KIF13A: variants seen among roughly 807,000 people sequenced by gnomAD.
The protein encoded by KIF13A is kinesin family member 13A, also known as kinesin-like protein KIF13A.
A neutral mutation model predicts 212.2 loss-of-function variants in KIF13A; 79 were observed. The observed-to-expected ratio is 0.37, with a 90% CI of 0.31 to 0.45. The LOEUF is 0.45. Among genes scored for constraint, KIF13A ranks in the 20% least tolerant of loss-of-function variants. The probability of loss-of-function intolerance (pLI) is 1.00; values close to 1 mark genes in which losing one functional copy is unlikely to be tolerated. For missense variants in KIF13A, 1,901 were observed against 2,209.0 expected (o/e 0.86, Z 2.79); for synonymous variants, 789 against 808.6 (o/e 0.98, Z 0.41).
intron 2 of KIF13A, among the ~76,000 whole-genome samples, chr6:17,974,382 CCTCGTTT>C (rs1297925785): frequency 6.6e-6 from 1 of 152,040 alleles, no homozygotes; most frequent in Non-Finnish European, 1.5e-5. Flanking sequence ...CCGGCGGGAA[CCTCGTTT>C]ACTATACTAG....
At chr6:17,844,422 A>G (rs961800680) in intron 9 of KIF13A, among the ~76,000 whole-genome samples, 8 of 152,228 alleles carry the variant, frequency 5.3e-5, no homozygotes, top group African/African-American at 4.8e-5. Flanking sequence ...GGATCTTAAC[A>G]TATGTTGAAC....
In KIF13A at chr6:17,781,462, A is replaced by T. The variant is rs565522799; in HGVS notation, c.3545-161T>A. Among the ~76,000 whole-genome samples the T allele has an allele frequency of 6.6e-5, 10 of 152,040 alleles. No homozygotes were observed. In the South Asian group the frequency reaches 2.1e-3, roughly 32 times the overall value. On this transcript the variant is annotated intron_variant, in intron 29 of 38. Coordinates refer to ENST00000259711, the MANE Select transcript of KIF13A (RefSeq NM_022113.6). ...CTGCAGTTGAAATAGAGACTCCAAG[A>T]CTCACAACAGCTTTTTTTCTTTTTT...
At position 17,843,207 on chromosome 6, in the gene KIF13A, T is replaced by A. The variant is rs555045294; in HGVS notation, c.831-5624A>T. Among the ~76,000 whole-genome samples, 12 of 152,318 alleles carry A rather than the reference T, an allele frequency of 7.9e-5. No individual in the cohort carries two copies. Among genetic ancestry groups the A allele is most frequent in the African/African-American group, 2.2e-4 (9 of 41,580 alleles). On this transcript the variant is annotated intron_variant, in intron 9 of 38. Coordinates refer to ENST00000259711, the MANE Select transcript of KIF13A (RefSeq NM_022113.6). The surrounding 1 kb of genome is among the most constrained non-coding windows in gnomAD (Gnocchi z 5.3). ...ACTCAGTAAATATCTGCAGCGTTAA[T>A]CTGAATCTAGATTCAGTGAAGACCA...
intron 3 of KIF13A, among the ~76,000 whole-genome samples, chr6:17,880,769 T>C (rs1562090622): frequency 6.6e-6 from 1 of 151,800 alleles, no homozygotes; most frequent in Non-Finnish European, 1.5e-5. Context: ...TACAGGCACA[T>C]GCCACCATAC....
chr6:17,983,577 C>G (rs1781292328), intron 2 of KIF13A, among the ~76,000 whole-genome samples: 1 of 151,640 alleles, frequency 6.6e-6, no homozygotes, highest in Non-Finnish European at 1.5e-5. Flanking sequence ...ACGGCAACCT[C>G]CATCGCCAAG....
At chr6:17,948,651 C>T (rs1777611546) in intron 2 of KIF13A, among the ~76,000 whole-genome samples, 1 of 148,028 alleles carries the variant, frequency 6.8e-6, no homozygotes, top group Non-Finnish European at 1.5e-5. Context: ...GGACCTCTGC[C>T]TCCAGGTTCA....
At chr6:17,901,206 T>C (rs544796780) in intron 2 of KIF13A, among the ~76,000 whole-genome samples, 61 of 152,100 alleles carry the variant, frequency 4.0e-4, no homozygotes, top group Admixed American at 8.5e-4. Flanking sequence ...GACTCAAGGT[T>C]ACTGCCCCAA....
chr6:17,804,845 A>AAAAAAAAAAT (rs1762804096), intron 19 of KIF13A, among the ~76,000 whole-genome samples: 1 of 140,012 alleles, frequency 7.1e-6, no homozygotes, highest in Non-Finnish European at 1.5e-5. Flanking sequence ...AAAAAAAAAA[A>AAAAAAAAAAT]GAATTAGCCC....
chr6:17,858,048 T>C (rs144068921), intron 4 of KIF13A, among the ~76,000 whole-genome samples: 81 of 152,114 alleles, frequency 5.3e-4, no homozygotes, highest in African/African-American at 1.8e-3. Flanking sequence ...TTCAGAACTG[T>C]GCATATAATG....
chr6:17,771,869 T>TGC lies in KIF13A; in HGVS notation c.4476+37_4476+38dup, dbSNP rs1232726716. ...TGCTGCTTCACAGGTGACACAACTC[T>TGC]GCTCTATTCTGCATAGTACAGACAA... is the stretch of plus-strand genomic sequence containing the variant. On this transcript the variant is annotated intron_variant, in intron 37 of 38. Transcript: ENST00000259711. The surrounding 1 kb of genome is among the most constrained non-coding windows in gnomAD (Gnocchi z 5.4). 18 of 1,602,696 alleles carry TGC rather than the reference T, an allele frequency of 1.1e-5. No homozygotes were observed. Among genetic ancestry groups the TGC allele is most frequent in the Non-Finnish European group, 1.5e-5 (17 of 1,171,808 alleles).
At chr6:17,882,013 A>T (rs980988888) in intron 3 of KIF13A, 1 of 456,592 alleles carries the variant, frequency 2.2e-6, no homozygotes, top group Non-Finnish European at 4.4e-6. Flanking sequence ...TAAAAAAAGA[A>T]GTAAGATCTT....
At chr6:17,833,061 G>A (rs1417377048) in intron 12 of KIF13A, among the ~76,000 whole-genome samples, 2 of 145,180 alleles carry the variant, frequency 1.4e-5, no homozygotes, top group Non-Finnish European at 1.5e-5. Context: ...GCAGACTTTC[G>A]TTTAAATGTG....
rs1283963892 is a variant in KIF13A, at chr6:17,899,304, T to A, written c.147-1124A>T. Among the ~76,000 whole-genome samples, 1 of 152,216 alleles carries A rather than the reference T, an allele frequency of 6.6e-6. No homozygotes were observed. The highest frequency in any genetic ancestry group is 1.5e-5 in the Non-Finnish European group (1 of 68,038). On this transcript the variant is annotated intron_variant, in intron 2 of 38. Transcript: ENST00000259711. This position sits in a 1 kb window ranked among gnomAD's most constrained non-coding sequence, Gnocchi z 5.2. The stretch of plus-strand genomic sequence containing the variant: ...TCTGATATCCTCAATTCATAAACTA[T>A]AAAATTACTGTGAAAAAGAAATGGG...
intron 3 of KIF13A, among the ~76,000 whole-genome samples, chr6:17,875,024 C>CACACAG (rs776533442): frequency 1.3e-5 from 2 of 150,458 alleles, no homozygotes; most frequent in Non-Finnish European, 1.5e-5. Flanking sequence ...CACACACACA[C>CACACAG]AGCATGGTTC....
chr6:17,763,966 T>G lies in KIF13A; in HGVS notation c.*144A>C. 6.9e-7 allele frequency: 1 copy of G among 1,444,088 alleles called. No homozygotes were observed. The highest frequency in any genetic ancestry group is 9.1e-7 in the Non-Finnish European group (1 of 1,100,036). 89.5% of individuals were successfully genotyped at this position (1,444,088 alleles called of 1,614,324 possible). A position where few individuals can be genotyped will look rare whatever the true frequency, so the allele number is the denominator to read the frequency against. On this transcript the variant is annotated 3_prime_UTR_variant, in exon 39 of 39. Coordinates refer to ENST00000259711, the MANE Select transcript of KIF13A (RefSeq NM_022113.6). ...TTGCGTTCTAGTTCCCAAAACAGAC[T>G]TGCTCTCCGACAGAGACAGCTGTGC...
At chr6:17,788,266 T>G (rs1319126163) in intron 26 of KIF13A, among the ~76,000 whole-genome samples, 1 of 152,214 alleles carries the variant, frequency 6.6e-6, no homozygotes, top group Non-Finnish European at 1.5e-5. Flanking sequence ...ACAAATGGAA[T>G]GGAAAATGAC....
intron 4 of KIF13A, among the ~76,000 whole-genome samples, chr6:17,857,868 C>A (rs914179691): frequency 6.6e-6 from 1 of 151,986 alleles, no homozygotes; most frequent in African/African-American, 2.4e-5. Flanking sequence ...CATAATACTG[C>A]AAATGGGAAT....
rs191830853 is a variant in KIF13A, at chr6:17,856,929, G to A, written c.221-807C>T. Among the ~76,000 whole-genome samples the A allele has an allele frequency of 1.9e-4, 29 of 152,204 alleles. No homozygotes were observed. Among genetic ancestry groups the A allele is most frequent in the Admixed American group, 5.9e-4 (9 of 15,282 alleles). On this transcript the variant is annotated intron_variant, in intron 4 of 38. Coordinates refer to ENST00000259711, the MANE Select transcript of KIF13A (RefSeq NM_022113.6). The surrounding 1 kb of genome is among the most constrained non-coding windows in gnomAD (Gnocchi z 4.5). ...ATTACAGCATTTGCAGAAACTACTA[G>A]TTTAAGTACCTGTTTCCTCCACTGG...
chr6:17,860,380 G>C (rs1768633405), intron 4 of KIF13A, among the ~76,000 whole-genome samples: 1 of 151,916 alleles, frequency 6.6e-6, no homozygotes, highest in Non-Finnish European at 1.5e-5. Flanking sequence ...GTAGAGACAG[G>C]GTTTCACCAT....
Sources: gnomAD v4.1 joint callset for allele counts (sites outside exome capture counted in the v4.1 genomes callset) on GRCh38, gnomAD v4.1.1 for gene constraint, Gnocchi (gnomAD v3.1) non-coding constraint, MANE v1.5 for transcripts, NCBI Gene and HGNC (gene_info 2026-07-23, HGNC 2026-07-21) for gene names.